Variants in DENND1A observed in about 807,000 individuals in gnomAD.
DENND1A encodes DENN domain-containing protein 1A.
A neutral mutation model predicts 113.7 loss-of-function variants in DENND1A; 51 were observed. That is an observed-to-expected ratio of 0.45 (90% CI 0.36 to 0.57). The LOEUF is 0.57. Ranked by LOEUF, DENND1A falls within the 20% of genes least tolerant of loss-of-function variation. The pLI, the probability that DENND1A is intolerant of heterozygous loss-of-function variation, is 0.00. For missense variants in DENND1A, 1,258 were observed against 1,395.9 expected (o/e 0.90, Z 1.57); for synonymous variants, 565 against 570.8 (o/e 0.99, Z 0.14).
At chr9:123,608,061 G>T (rs2060251427) in intron 11 of DENND1A, among the ~76,000 whole-genome samples, 1 of 152,130 alleles carries the variant, frequency 6.6e-6, no homozygotes, top group Non-Finnish European at 1.5e-5. Context: ...AAACACAGAA[G>T]AAATCTCTTC....
intron 5 of DENND1A, among the ~76,000 whole-genome samples, chr9:123,718,941 C>G (rs931493985): frequency 4.6e-5 from 7 of 152,140 alleles, no homozygotes; most frequent in African/African-American, 1.7e-4. Flanking sequence ...ATAACTGAAT[C>G]ACAGGGGCAG....
intron 5 of DENND1A, among the ~76,000 whole-genome samples, chr9:123,688,540 C>T (rs1036067100): frequency 8.5e-5 from 13 of 152,118 alleles, no homozygotes; most frequent in Non-Finnish European, 1.6e-4. Context: ...AGGCAACAGG[C>T]GCAGAGCTTG....
intron 1 of DENND1A, among the ~76,000 whole-genome samples, chr9:123,884,492 C>T (rs568017688): frequency 6.6e-6 from 1 of 152,236 alleles, no homozygotes; most frequent in African/African-American, 2.4e-5. Flanking sequence ...CCTAACCCTG[C>T]CCACCTGCCA....
chr9:123,527,651 A>G (rs1362522915), intron 13 of DENND1A, among the ~76,000 whole-genome samples: 6 of 151,778 alleles, frequency 4.0e-5, no homozygotes, highest in African/African-American at 1.5e-4. Context: ...CATCTGGAGG[A>G]CTCATTAAGC....
intron 2 of DENND1A, among the ~76,000 whole-genome samples, chr9:123,814,037 T>C (rs1004829342): frequency 2.0e-5 from 3 of 152,220 alleles, no homozygotes; most frequent in Admixed American, 2.0e-4. Context: ...CCTGTATAAC[T>C]ACTTACAGAT....
intron 13 of DENND1A, among the ~76,000 whole-genome samples, chr9:123,550,644 T>C (rs2056984040): frequency 6.6e-6 from 1 of 152,206 alleles, no homozygotes; most frequent in East Asian, 1.9e-4. Flanking sequence ...TCTTTAAAAC[T>C]GAGACCAGCG....
intron 5 of DENND1A, among the ~76,000 whole-genome samples, chr9:123,700,744 T>C (rs1454453141): frequency 1.3e-5 from 2 of 152,202 alleles, no homozygotes. Context: ...TATACTAGTG[T>C]TTGACCAAAT....
At chr9:123,794,637 A>C (rs571807929) in intron 2 of DENND1A, among the ~76,000 whole-genome samples, 50 of 152,348 alleles carry the variant, frequency 3.3e-4, no homozygotes, top group African/African-American at 1.1e-3. Flanking sequence ...GTGAAAGACT[A>C]TATGTCCGAA....
At chr9:123,864,398 A>G (rs967092589) in intron 2 of DENND1A, among the ~76,000 whole-genome samples, 1 of 152,190 alleles carries the variant, frequency 6.6e-6, no homozygotes, top group African/African-American at 2.4e-5. Flanking sequence ...ACAAATTCCC[A>G]TGATTCCAGA....
At chr9:123,514,529 G>A (rs1263956180) in intron 13 of DENND1A, among the ~76,000 whole-genome samples, 9 of 152,148 alleles carry the variant, frequency 5.9e-5, no homozygotes, top group Admixed American at 5.9e-4. Context: ...GAGCATCTGG[G>A]TGGGGATGGA....
chr9:123,780,950 C>A (rs1360662702), intron 3 of DENND1A, among the ~76,000 whole-genome samples: 1 of 152,140 alleles, frequency 6.6e-6, no homozygotes, highest in Non-Finnish European at 1.5e-5. Context: ...CGATGGAATG[C>A]ACCTTGAAAA....
intron 13 of DENND1A, among the ~76,000 whole-genome samples, chr9:123,544,705 A>G (rs771510041): frequency 2.6e-5 from 4 of 152,268 alleles, no homozygotes; most frequent in Non-Finnish European, 5.9e-5. Context: ...AGCCTAGCAT[A>G]TAACAAATGC....
intron 13 of DENND1A, among the ~76,000 whole-genome samples, chr9:123,507,835 A>C (rs962921152): frequency 6.6e-6 from 1 of 151,558 alleles, no homozygotes; most frequent in East Asian, 1.9e-4. Flanking sequence ...AAAATAAATA[A>C]ATAAATAAAT....
Position 123,603,149 on chromosome 9 carries a change from A to C in DENND1A, c.765+6287T>G, listed in dbSNP as rs536550999. ...ACACTCTTCTTTACTCTGTTAAAAAATAAATATCAAAAAAAGAGAAAGGAA... is the reference window on the plus strand; with the variant it reads ...ACACTCTTCTTTACTCTGTTAAAAACTAAATATCAAAAAAAGAGAAAGGAA... On this transcript the variant is annotated intron_variant, in intron 11 of 23. Coordinates refer to ENST00000394215, the MANE Select transcript of DENND1A (RefSeq NM_001352964.2). Among the ~76,000 whole-genome samples the C allele has an allele frequency of 6.8e-4, 103 of 152,052 alleles. No homozygotes were observed. In the South Asian group the frequency reaches 0.021, roughly 31 times the overall value.
At chr9:123,620,472 G>A (rs1191457608) in intron 10 of DENND1A, among the ~76,000 whole-genome samples, 1 of 152,054 alleles carries the variant, frequency 6.6e-6, no homozygotes, top group African/African-American at 2.4e-5. Context: ...AGACACTGAG[G>A]CTCAGGCAGG....
At chr9:123,384,542 G>C (rs1456044555) in intron 22 of DENND1A, among the ~76,000 whole-genome samples, 1 of 152,204 alleles carries the variant, frequency 6.6e-6, no homozygotes, top group Non-Finnish European at 1.5e-5. Flanking sequence ...GCGGTGCCCG[G>C]CACACAGCAG....
chr9:123,654,051 T>C (rs1302535570), intron 8 of DENND1A, among the ~76,000 whole-genome samples: 1 of 151,860 alleles, frequency 6.6e-6, no homozygotes, highest in African/African-American at 2.4e-5. Context: ...ACAAACTCAG[T>C]GAAAAACAAA....
At chr9:123,426,380 T>G (rs1201738383) in intron 19 of DENND1A, among the ~76,000 whole-genome samples, 3 of 152,202 alleles carry the variant, frequency 2.0e-5, no homozygotes, top group African/African-American at 7.2e-5. Flanking sequence ...TTGGTGGAAC[T>G]GGGGTACAGC....
At chr9:123,663,639 G>A (rs2063353384) in intron 8 of DENND1A, among the ~76,000 whole-genome samples, 1 of 151,904 alleles carries the variant, frequency 6.6e-6, no homozygotes, top group Non-Finnish European at 1.5e-5. Flanking sequence ...GGGTTGGAGG[G>A]AGAGTGGGAT....
Sources: gnomAD v4.1 joint callset for allele counts (sites outside exome capture counted in the v4.1 genomes callset) on GRCh38, gnomAD v4.1.1 for gene constraint, MANE v1.5 for transcripts, NCBI Gene and HGNC (gene_info 2026-07-23, HGNC 2026-07-21) for gene names.